PLCE1: variants seen among roughly 807,000 people sequenced by gnomAD.
PLCE1 encodes the protein phospholipase C epsilon 1.
PLCE1 carries 119 observed loss-of-function variants against 242.8 expected under a neutral mutation model. The ratio of observed to expected loss-of-function variants is 0.49; its 90% CI spans 0.42 to 0.57. The LOEUF (loss-of-function observed/expected upper bound fraction) is 0.57, where lower values mean the gene tolerates loss of function less well. Ranked by LOEUF, PLCE1 falls within the 20% of genes least tolerant of loss-of-function variation. The pLI is 0.00. For synonymous variants in PLCE1, 945 were observed against 1,017.4 expected (o/e 0.93, Z 1.35); for missense variants, 2,441 against 2,788.8 (o/e 0.88, Z 2.81).
chr10:94,192,171 G>A (rs2048688688), intron 4 of PLCE1, among the ~76,000 whole-genome samples: 1 of 152,156 alleles, frequency 6.6e-6, no homozygotes, highest in East Asian at 1.9e-4. Flanking sequence ...ACTTTTTAAA[G>A]TGTATTTTGT....
In PLCE1 at chr10:94,324,407, A is replaced by G. The variant is rs750672164; in HGVS notation, c.6560A>G (p.Tyr2187Cys). 4 of 1,614,192 alleles carry G rather than the reference A, an allele frequency of 2.5e-6. 1 individual carries two copies. The South Asian group carries it at 3.3e-5, about 13-fold the overall frequency. ...SILSNPNPSDYVLLEEVVKDT... is the reference protein window; with the variant it reads ...SILSNPNPSDCVLLEEVVKDT... Reference sequence around the variant, plus strand: ...CTGAGCAACCCCAATCCAAGCGACTATGTGCTTTTGGAAGAGGTGGTGAAA... The same window carrying G: ...CTGAGCAACCCCAATCCAAGCGACTGTGTGCTTTTGGAAGAGGTGGTGAAA... Residue 2187 changes from tyrosine (Y) to cysteine (C), a missense_variant, in exon 31 of 33, where the codon TAT (tyrosine) becomes TGT (cysteine). Coordinates refer to ENST00000371380, the MANE Select transcript of PLCE1 (RefSeq NM_016341.4).
At chr10:94,165,713 T>A (rs1028196958) in intron 3 of PLCE1, among the ~76,000 whole-genome samples, 1 of 151,070 alleles carries the variant, frequency 6.6e-6, no homozygotes, top group East Asian at 2.0e-4. Context: ...ATCGTTTTGA[T>A]CTTTTTTTTT....
At position 94,246,571 on chromosome 10, in the gene PLCE1, C is replaced by G. The variant is rs1327100233; in HGVS notation, c.3046C>G (p.Pro1016Ala). The part of the protein sequence containing the change: ...TRAVRKMRKF[P>A]DQRQQWLRKQ... ...AGCTGTGAGAAAGATGAGGAAATTCCCTGACCAAAGACAGCAGTGGCTGCG... is the reference window on the plus strand; with the variant it reads ...AGCTGTGAGAAAGATGAGGAAATTCGCTGACCAAAGACAGCAGTGGCTGCG... The change falls in exon 8 of 33, where the codon CCT becomes GCT. Residue 1016 changes from proline (P) to alanine (A), a missense_variant. Transcript: ENST00000371380. 6.2e-7 allele frequency: 1 copy of G among 1,614,130 alleles called. No individual in the cohort carries two copies. The highest frequency in any genetic ancestry group is 1.7e-5 in the Admixed American group (1 of 60,024).
At chr10:94,315,567 G>C in intron 28 of PLCE1, 1 of 451,750 alleles carries the variant, frequency 2.2e-6, no homozygotes. Context: ...TCAGGAATTT[G>C]AGACCAGCCT....
At chr10:94,194,005 A>G (rs1455258319) in intron 4 of PLCE1, among the ~76,000 whole-genome samples, 1 of 152,226 alleles carries the variant, frequency 6.6e-6, no homozygotes. Flanking sequence ...CTTTATTAAC[A>G]TCTCTTAACA....
chr10:94,059,736 T>G (rs189936634), intron 2 of PLCE1, among the ~76,000 whole-genome samples: 17 of 152,340 alleles, frequency 1.1e-4, no homozygotes, highest in African/African-American at 3.8e-4. Context: ...GTACTCCATT[T>G]AACATAACTT....
intron 2 of PLCE1, among the ~76,000 whole-genome samples, chr10:94,034,034 C>T (rs1475186742): frequency 6.6e-6 from 1 of 152,006 alleles, no homozygotes; most frequent in Non-Finnish European, 1.5e-5. Context: ...TTGGGCAGGC[C>T]AAACAATCAT....
In PLCE1 at chr10:94,050,680, G is replaced by T. The variant is rs561480274; in HGVS notation, c.1206+18428G>T. ...TGAACTATAAGTGTAATACTTGGAA[G>T]GTTTTTTTGCAAAAAAATAAAAATT... On this transcript the variant is annotated intron_variant, in intron 2 of 32. Transcript: ENST00000371380. 1.8e-4 allele frequency among the ~76,000 whole-genome samples: 27 copies of T among 151,786 alleles called. No individual in the cohort carries two copies. In the South Asian group the frequency reaches 5.6e-3, roughly 32 times the overall value.
At chr10:94,111,239 G>T (rs2045945375) in intron 2 of PLCE1, among the ~76,000 whole-genome samples, 2 of 152,200 alleles carry the variant, frequency 1.3e-5, no homozygotes, top group Admixed American at 6.5e-5. Flanking sequence ...AGGAAGCAGG[G>T]TTCCTTCCAG....
chr10:94,319,864 CTTTTTTTTTTTT>C (rs58610099), intron 29 of PLCE1, among the ~76,000 whole-genome samples: 5 of 92,914 alleles, frequency 5.4e-5, no homozygotes. Flanking sequence ...CAAAGGTGCT[CTTTTTTTTTTTT>C]TTTTTTTTTT....
At chr10:94,259,321 T>C (rs1481408305) in intron 13 of PLCE1, among the ~76,000 whole-genome samples, 171 bp downstream of exon 13, 1 of 151,096 alleles carries the variant, frequency 6.6e-6, no homozygotes, top group African/African-American at 2.4e-5. Flanking sequence ...TCTCACTCTG[T>C]AGCCCAGGCT....
intron 2 of PLCE1, among the ~76,000 whole-genome samples, chr10:94,110,828 C>T (rs2045932330): frequency 6.6e-6 from 1 of 152,200 alleles, no homozygotes; most frequent in Non-Finnish European, 1.5e-5. Flanking sequence ...TGTAGTGCTG[C>T]AGAAAGTGCT....
intron 1 of PLCE1, among the ~76,000 whole-genome samples, chr10:94,007,527 A>AATTAT (rs991133031): frequency 6.6e-6 from 1 of 151,940 alleles, no homozygotes; most frequent in East Asian, 1.9e-4. Context: ...AGGTTTAAAA[A>AATTAT]ATTATATTTT....
intron 4 of PLCE1, among the ~76,000 whole-genome samples, chr10:94,226,116 A>G (rs747013560): frequency 1.1e-4 from 17 of 152,246 alleles, no homozygotes; most frequent in Non-Finnish European, 2.5e-4. Context: ...ACCAAAGTAA[A>G]GGTGGCAGCA....
At chr10:94,069,729 T>A (rs983500228) in intron 2 of PLCE1, among the ~76,000 whole-genome samples, 2 of 152,188 alleles carry the variant, frequency 1.3e-5, no homozygotes, top group African/African-American at 4.8e-5. Flanking sequence ...GAACCACAGT[T>A]CTGGAAGCAG....
At chr10:94,095,397 C>G (rs527950132) in intron 2 of PLCE1, among the ~76,000 whole-genome samples, 2 of 152,250 alleles carry the variant, frequency 1.3e-5, no homozygotes, top group Non-Finnish European at 2.9e-5. Flanking sequence ...CTCTCTGTCA[C>G]CCAGGCTGGA....
chr10:94,215,416 A>G (rs1266758329), intron 4 of PLCE1, among the ~76,000 whole-genome samples: 1 of 152,228 alleles, frequency 6.6e-6, no homozygotes, highest in East Asian at 1.9e-4. Flanking sequence ...CTGCAGTGGC[A>G]AAGTCCAGGG....
rs557247438 is a variant in PLCE1 at position 94,312,900 on chromosome 10, T to C, written c.6004-354T>C. On this transcript the variant is annotated intron_variant, in intron 27 of 32. Transcript: ENST00000371380. ...TCTCTAAAGGCAGAACATTTTATTA[T>C]TACCATCCAAATTTCTAGCCCAGTA... Among the ~76,000 whole-genome samples the C allele has an allele frequency of 3.9e-5, 6 of 152,324 alleles. No homozygotes were observed. In the South Asian group the frequency reaches 1.0e-3, roughly 26 times the overall value.
chr10:94,005,512 G>T (rs777532379), intron 1 of PLCE1, among the ~76,000 whole-genome samples: 2 of 152,146 alleles, frequency 1.3e-5, no homozygotes, highest in African/African-American at 4.8e-5. Flanking sequence ...GAACTTCTCA[G>T]CATCTTTACC....
Sources: allele counts gnomAD v4.1 joint callset (sites outside exome capture counted in the v4.1 genomes callset), GRCh38; gene constraint gnomAD v4.1.1; transcripts MANE v1.5; gene names NCBI Gene and HGNC (gene_info 2026-07-23, HGNC 2026-07-21).